Variants in STOX2 observed in about 807,000 individuals in gnomAD.
STOX2 encodes storkhead box 2.
In STOX2, 28 loss-of-function variants were observed where a neutral mutation model predicts 60.9. The observed-to-expected ratio is 0.46, with a 90% CI of 0.34 to 0.63. The LOEUF is 0.63. Among genes scored for constraint, STOX2 ranks in the 30% least tolerant of loss-of-function variants. STOX2 has a pLI of 0.01. For missense variants in STOX2, 1,024 were observed against 1,187.7 expected, an observed-to-expected ratio of 0.86 and a Z score of 2.03; for synonymous variants, 472 against 463.9, an observed-to-expected ratio of 1.02 and a Z score of -0.22.
At chr4:183,980,212 T>C (rs965396121) in intron 1 of STOX2, among the ~76,000 whole-genome samples, 5 of 152,188 alleles carry the variant, frequency 3.3e-5, no homozygotes, top group Non-Finnish European at 2.9e-5. Flanking sequence ...TGAGGTGATA[T>C]AGGGAGGTGA....
At chr4:183,907,480 C>G (rs1212415869) in intron 1 of STOX2, among the ~76,000 whole-genome samples, 1 of 152,160 alleles carries the variant, frequency 6.6e-6, no homozygotes, top group Non-Finnish European at 1.5e-5. Flanking sequence ...TGAACGCGTT[C>G]TGTGGGGGTA....
At chr4:183,946,337 T>C (rs1742886200) in intron 1 of STOX2, among the ~76,000 whole-genome samples, 1 of 152,226 alleles carries the variant, frequency 6.6e-6, no homozygotes, top group African/African-American at 2.4e-5. Context: ...AATGAGCTTA[T>C]GTCTGTGACA....
chr4:183,848,972 G>C (rs1740047904), intron 1 of STOX2, among the ~76,000 whole-genome samples: 1 of 152,170 alleles, frequency 6.6e-6, no homozygotes, highest in Non-Finnish European at 1.5e-5. Context: ...GTTACATTTA[G>C]AGCTGGCAAG....
intron 1 of STOX2, among the ~76,000 whole-genome samples, chr4:183,891,780 T>TA (rs1034642849): frequency 6.6e-5 from 10 of 152,110 alleles, no homozygotes; most frequent in African/African-American, 2.2e-4. Context: ...TCATCATTTT[T>TA]AAAAAAATCA....
chr4:184,015,700 T>C (rs1340326434), intron 3 of STOX2: 1 of 152,262 alleles, frequency 6.6e-6, no homozygotes, highest in Admixed American at 6.5e-5. Flanking sequence ...GGAGAGGATG[T>C]CTTCGCTGTA....
chr4:183,986,393 G>T (rs770961217), intron 1 of STOX2, among the ~76,000 whole-genome samples: 15 of 152,196 alleles, frequency 9.9e-5, no homozygotes, highest in African/African-American at 3.6e-4. Context: ...GCCACGGGGA[G>T]GACTCAGCAG....
At chr4:183,802,869 C>T (rs1033861350) in intron 1 of STOX2, among the ~76,000 whole-genome samples, 2 of 152,180 alleles carry the variant, frequency 1.3e-5, no homozygotes, top group Non-Finnish European at 2.9e-5. Context: ...GATCCGCCTG[C>T]CTTGGCCTTC....
In STOX2 at chr4:184,009,240, T is replaced by G; in HGVS notation, c.402T>G (p.Asp134Glu). ...VRERKIYPTP[D>E]GYFIVTPQTY... ...AGAGGAAGATCTACCCAACTCCAGA[T>G]GGCTACTTCATCGTGACCCCACAGA... Residue 134 changes from aspartate to glutamate, a missense_variant, in exon 3 of 4, where the codon GAT becomes GAG. Coordinates refer to ENST00000308497, the MANE Select transcript of STOX2 (RefSeq NM_020225.3). The surrounding 1 kb of genome is among the most constrained non-coding windows in gnomAD (Gnocchi z 4.0). The G allele has an allele frequency of 6.4e-7, 1 of 1,564,698 alleles. No homozygotes were observed. The highest frequency in any genetic ancestry group is 1.7e-4 in the Middle Eastern group (1 of 5,752).
At chr4:183,846,592 T>C (rs1403411005) in intron 1 of STOX2, among the ~76,000 whole-genome samples, 7 of 152,202 alleles carry the variant, frequency 4.6e-5, no homozygotes, top group Non-Finnish European at 8.8e-5. Context: ...CCAGAATTTC[T>C]TTATGGTTTC....
chr4:183,814,888 AT>A (rs1272079601), intron 1 of STOX2, among the ~76,000 whole-genome samples: 1 of 152,152 alleles, frequency 6.6e-6, no homozygotes, highest in African/African-American at 2.4e-5. Flanking sequence ...TCATTTTCAG[AT>A]TTTCTTTAGC....
chr4:183,975,891 T>C, intron 1 of STOX2, among the ~76,000 whole-genome samples: 1 of 152,272 alleles, frequency 6.6e-6, no homozygotes, highest in Non-Finnish European at 1.5e-5. Flanking sequence ...CAGACCAATG[T>C]CTCTTAGGAA....
At chr4:183,889,567 C>T (rs1360607073) in intron 1 of STOX2, among the ~76,000 whole-genome samples, 3 of 152,238 alleles carry the variant, frequency 2.0e-5, no homozygotes, top group African/African-American at 7.2e-5. Flanking sequence ...CTTCAACAAA[C>T]AGACAGTCAA....
intron 1 of STOX2, among the ~76,000 whole-genome samples, chr4:183,843,009 C>T (rs562839989): frequency 1.3e-5 from 2 of 151,962 alleles, no homozygotes; most frequent in South Asian, 2.1e-4. Context: ...ATCAGCCAAG[C>T]ATGGTGGCAG....
intron 1 of STOX2, among the ~76,000 whole-genome samples, chr4:183,867,691 T>C (rs569196560): frequency 6.6e-6 from 1 of 152,308 alleles, no homozygotes; most frequent in South Asian, 2.1e-4. Flanking sequence ...TCTTTTCCCA[T>C]ATAGTTAATT....
At chr4:183,987,092 C>T (rs965560251) in intron 1 of STOX2, among the ~76,000 whole-genome samples, 1 of 152,092 alleles carries the variant, frequency 6.6e-6, no homozygotes, top group Admixed American at 6.6e-5. Flanking sequence ...GGATCCTGAG[C>T]GGAGGCAGCG....
chr4:183,835,278 G>T (rs1265255983), intron 1 of STOX2, among the ~76,000 whole-genome samples: 1 of 149,990 alleles, frequency 6.7e-6, no homozygotes, highest in Non-Finnish European at 1.5e-5. Context: ...AGGCTGGAGT[G>T]CAGTGGCGCA....
At chr4:183,950,036 C>T (rs1743021919) in intron 1 of STOX2, among the ~76,000 whole-genome samples, 1 of 152,214 alleles carries the variant, frequency 6.6e-6, no homozygotes, top group Non-Finnish European at 1.5e-5. Context: ...GTTCTTCTCA[C>T]TATTGTACAG....
At chr4:183,899,282 A>G (rs1437146289) in intron 1 of STOX2, among the ~76,000 whole-genome samples, 1 of 152,210 alleles carries the variant, frequency 6.6e-6, no homozygotes, top group Non-Finnish European at 1.5e-5. Context: ...TGGCCTCTGC[A>G]TGTTCAAGTG....
In STOX2 at chr4:184,011,350, G is replaced by A; in HGVS notation, c.2512G>A (p.Ala838Thr). The A allele has an allele frequency of 6.2e-7, 1 of 1,614,012 alleles. No individual in the cohort carries two copies. Residue 838 changes from alanine (A) to threonine (T), a missense_variant, in exon 3 of 4, where the codon GCC (alanine) becomes ACC (threonine). Physicochemically the swap from Ala to Thr is moderately conservative, Grantham distance 58. Around this residue, in one of 3 missense-constraint regions of STOX2, gnomAD observed 922 missense variants for 1,058.3 expected, o/e 0.87. Transcript: ENST00000308497. The surrounding 1 kb of genome is among the most constrained non-coding windows in gnomAD (Gnocchi z 4.4). ...AACCGACAGCAGCAGCAACCAGAGA[G>A]CCACCCATTCAGCCCGGCTCGACAG... ...KETDSSSNQR[A>T]THSARLDSMD...
Sources: allele counts gnomAD v4.1 joint callset (sites outside exome capture counted in the v4.1 genomes callset), GRCh38; gene constraint gnomAD v4.1.1; regional missense constraint gnomAD v4.1.1; non-coding constraint Gnocchi (gnomAD v3.1); transcripts MANE v1.5; gene names NCBI Gene and HGNC (gene_info 2026-07-23, HGNC 2026-07-21).